U2SURP: variants seen among roughly 807,000 people sequenced by gnomAD.
The protein encoded by U2SURP is U2 snRNP-associated SURP motif-containing protein.
A neutral mutation model predicts 144.9 loss-of-function variants in U2SURP; 9 were observed. The observed-to-expected ratio is 0.06, with a 90% CI of 0.04 to 0.11. The LOEUF (loss-of-function observed/expected upper bound fraction) is 0.11, where lower values mean the gene tolerates loss of function less well. Ranked by LOEUF, U2SURP falls within the 10% of genes least tolerant of loss-of-function variation. The probability of loss-of-function intolerance (pLI) is 1.00; values close to 1 mark genes in which losing one functional copy is unlikely to be tolerated. For synonymous variants in U2SURP, 408 were observed against 396.8 expected (o/e 1.03, Z -0.33); for missense variants, 724 against 1,226.7 (o/e 0.59, Z 6.12).
At position 143,038,126 on chromosome 3, in the gene U2SURP, C is replaced by T; in HGVS notation, c.2240C>T (p.Ser747Leu). The change falls in exon 22 of 28, where the codon TCA (serine) becomes TTA (leucine). Residue 747 changes from serine to leucine, a missense_variant. Coordinates refer to ENST00000473835, the MANE Select transcript of U2SURP (RefSeq NM_001080415.2). Reference sequence around the variant, plus strand: ...CTAATAGTGGATGCAACTGAAGACTCAAAAAAGAATGAGCCTATATTTAAA... The same window carrying T: ...CTAATAGTGGATGCAACTGAAGACTTAAAAAAGAATGAGCCTATATTTAAA... ...DGVPLDATED[S>L]KKNEPIFKVA... 1 of 1,603,158 alleles carries T rather than the reference C, an allele frequency of 6.2e-7. No individual in the cohort carries two copies. The highest frequency in any genetic ancestry group is 2.2e-5 in the East Asian group (1 of 44,478).
At chr3:143,042,692 G>A (rs1056367272) in intron 23 of U2SURP, among the ~76,000 whole-genome samples, 2 of 152,000 alleles carry the variant, frequency 1.3e-5, no homozygotes, top group Non-Finnish European at 2.9e-5. Context: ...TGAGAACATA[G>A]AATATTTGTG....
chr3:143,011,731 C>T (rs1936127690), intron 2 of U2SURP, among the ~76,000 whole-genome samples: 1 of 152,048 alleles, frequency 6.6e-6, no homozygotes, highest in African/African-American at 2.4e-5. Flanking sequence ...CTTCATCAAG[C>T]AGTAAAAATT....
intron 24 of U2SURP, among the ~76,000 whole-genome samples, chr3:143,049,210 G>A (rs1404639080): frequency 3.4e-5 from 5 of 145,864 alleles, no homozygotes; most frequent in East Asian, 2.0e-4. Context: ...AGGTTGCAGC[G>A]AGCCGAGATT....
intron 1 of U2SURP, among the ~76,000 whole-genome samples, chr3:143,008,754 A>G (rs1230703040): frequency 6.6e-6 from 1 of 152,200 alleles, no homozygotes; most frequent in African/African-American, 2.4e-5. Context: ...ATTGGAAGGC[A>G]ATTGAGTTTT....
At chr3:143,051,631 A>G (rs529920341) in intron 25 of U2SURP, among the ~76,000 whole-genome samples, 16 of 148,054 alleles carry the variant, frequency 1.1e-4, no homozygotes, top group Non-Finnish European at 4.5e-5. Context: ...AGAAAAACCA[A>G]TAATAATGAG....
Position 143,036,124 on chromosome 3 carries a change from C to T in U2SURP, c.2064+20C>T. ...ACAGAGGTAGGCAGTCTGTATTTGT[C>T]TGGTTGTTTTTAAAATTCGTTTCTG... On this transcript the variant is annotated intron_variant, in intron 20 of 27. Coordinates refer to ENST00000473835, the MANE Select transcript of U2SURP (RefSeq NM_001080415.2). The T allele has an allele frequency of 6.3e-7, 1 of 1,574,924 alleles. No individual in the cohort carries two copies. The highest frequency in any genetic ancestry group is 8.6e-7 in the Non-Finnish European group (1 of 1,165,830).
Position 143,059,745 on chromosome 3 carries a change from A to G in U2SURP, c.*3295A>G, listed in dbSNP as rs1935300433. 6.6e-6 allele frequency: 1 copy of G among 151,924 alleles called. No homozygotes were observed. The highest frequency in any genetic ancestry group is 2.4e-5 in the African/African-American group (1 of 41,428). 9.4% of individuals were successfully genotyped at this position (151,924 alleles called of 1,614,324 possible). On this transcript the variant is annotated 3_prime_UTR_variant, in exon 28 of 28. Transcript: ENST00000473835. ...TTTTTCTTTGTTGTTTTCCTCTTCT[A>G]TTAAGTTTTAGTGAAAAGCCTAATT... is the stretch of plus-strand genomic sequence containing the variant.
chr3:143,029,571 C>G (rs1933356475), intron 16 of U2SURP, among the ~76,000 whole-genome samples: 1 of 152,146 alleles, frequency 6.6e-6, no homozygotes. Flanking sequence ...CTTAGGCCTC[C>G]CTATTTCCTG....
intron 24 of U2SURP, 59 bp from the exon 25 acceptor site, chr3:143,050,880 C>A: frequency 8.4e-7 from 1 of 1,190,790 alleles, no homozygotes; most frequent in Non-Finnish European, 1.2e-6. Context: ...AGAAGCAAAA[C>A]AGTGCTTGAG....
Position 143,010,841 on chromosome 3 carries a change from T to G in U2SURP, c.72T>G (p.Ser24=), listed in dbSNP as rs1460662691. ...CGAGATCATCAGATGTTCATTCATCTGGATCTTCAGATGCACATGTGAGTA... is the reference window on the plus strand; with the variant it reads ...CGAGATCATCAGATGTTCATTCATCGGGATCTTCAGATGCACATGTGAGTA... ...SKTRSSDVHS[S]GSSDAHMDAS... is the part of the protein sequence containing the mutation. Residue 24 remains serine (S), a synonymous_variant, in exon 2 of 28, where the codon TCT becomes TCG. Coordinates refer to ENST00000473835, the MANE Select transcript of U2SURP (RefSeq NM_001080415.2). The G allele has an allele frequency of 6.2e-7, 1 of 1,607,942 alleles. No individual in the cohort carries two copies. The highest frequency in any genetic ancestry group is 8.5e-7 in the Non-Finnish European group (1 of 1,177,662).
intron 16 of U2SURP, among the ~76,000 whole-genome samples, chr3:143,029,916 C>G (rs1475967877): frequency 6.6e-6 from 1 of 152,206 alleles, no homozygotes; most frequent in African/African-American, 2.4e-5. Flanking sequence ...ATAGCACTCC[C>G]TTATGCCAAA....
At chr3:143,018,559 A>C (rs1397819393) in intron 6 of U2SURP, among the ~76,000 whole-genome samples, 1 of 151,782 alleles carries the variant, frequency 6.6e-6, no homozygotes, top group Non-Finnish European at 1.5e-5. Context: ...GTTCTCTTGG[A>C]TACATGTATA....
chr3:143,035,603 T>G (rs992116000), intron 19 of U2SURP, among the ~76,000 whole-genome samples: 2 of 152,156 alleles, frequency 1.3e-5, no homozygotes, highest in African/African-American at 4.8e-5. Context: ...TAGGAAGTAC[T>G]TTATTGGACC....
chr3:143,052,575 A>G (rs1029096005), intron 25 of U2SURP, among the ~76,000 whole-genome samples: 2 of 152,194 alleles, frequency 1.3e-5, no homozygotes, highest in Non-Finnish European at 2.9e-5. Context: ...AAATAGTTGT[A>G]TTAGAACACA....
rs1212357427 is a variant in U2SURP at position 143,020,059 on chromosome 3, T to A, written c.638+23T>A. The A allele has an allele frequency of 2.1e-6, 3 of 1,407,082 alleles. 1 individual carries two copies. In the East Asian group the frequency reaches 7.7e-5, roughly 36 times the overall value. The allele number at this position is 1,407,082 out of a possible 1,614,324, so 87.2% of individuals were successfully genotyped here. On this transcript the variant is annotated intron_variant, in intron 7 of 27. Coordinates refer to ENST00000473835, the MANE Select transcript of U2SURP (RefSeq NM_001080415.2). ...GCAGTAAGTTTTATAGTGTGGAGAATAACTATCATAGGTGTATTGAGCTGA... is the reference window on the plus strand; with the variant it reads ...GCAGTAAGTTTTATAGTGTGGAGAAAAACTATCATAGGTGTATTGAGCTGA...
chr3:143,003,823 C>G (rs2108263623), intron 1 of U2SURP, among the ~76,000 whole-genome samples: 1 of 151,510 alleles, frequency 6.6e-6, no homozygotes, highest in Admixed American at 6.6e-5. Flanking sequence ...TCCCTAGTAG[C>G]TGGGACTACA....
chr3:143,006,456 A>G (rs1935837203), intron 1 of U2SURP, among the ~76,000 whole-genome samples: 1 of 152,070 alleles, frequency 6.6e-6, no homozygotes, highest in East Asian at 1.9e-4. Flanking sequence ...GTTAAATAAG[A>G]ATGTACCCAT....
At chr3:143,012,399 G>T (rs1936166323) in intron 3 of U2SURP, 46 bp downstream of exon 3, 12 of 1,529,076 alleles carry the variant, frequency 7.8e-6, no homozygotes, top group Non-Finnish European at 9.7e-6. Context: ...GATAGTTAAT[G>T]ATTTTAATCT....
intron 25 of U2SURP, among the ~76,000 whole-genome samples, chr3:143,053,143 A>G (rs960132940): frequency 6.6e-5 from 10 of 151,960 alleles, no homozygotes; most frequent in Admixed American, 2.6e-4. Context: ...ATTTGTTTAT[A>G]GTTAGAGGGA....
Sources: allele counts gnomAD v4.1 joint callset (sites outside exome capture counted in the v4.1 genomes callset), GRCh38; gene constraint gnomAD v4.1.1; transcripts MANE v1.5; gene names NCBI Gene and HGNC (gene_info 2026-07-23, HGNC 2026-07-21).